The following GPD2 variants were observed in gnomAD, a reference collection of about 807,000 sequenced individuals.
The protein encoded by GPD2 is glycerol-3-phosphate dehydrogenase, mitochondrial.
Under a neutral mutation model 82.4 loss-of-function variants are expected in GPD2, and 54 were observed. That is an observed-to-expected ratio of 0.66 (90% CI 0.53 to 0.82). The LOEUF (loss-of-function observed/expected upper bound fraction) is 0.82. Among genes scored for constraint, GPD2 ranks in the 40% least tolerant of loss-of-function variants. The probability of loss-of-function intolerance (pLI) is 0.00; values close to 1 mark genes in which losing one functional copy is unlikely to be tolerated. For missense variants in GPD2, 748 were observed against 896.2 expected (o/e 0.83, Z 2.11); for synonymous variants, 288 against 306.1 (o/e 0.94, Z 0.62).
chr2:156,531,478 T>C (rs957539945), intron 6 of GPD2, among the ~76,000 whole-genome samples: 2 of 152,216 alleles, frequency 1.3e-5, no homozygotes, highest in African/African-American at 4.8e-5. Flanking sequence ...AGAGTTTCTT[T>C]TCATTTACTT....
chr2:156,461,257 C>T (rs1682978468), intron 1 of GPD2, among the ~76,000 whole-genome samples: 1 of 149,504 alleles, frequency 6.7e-6, no homozygotes, highest in Non-Finnish European at 1.5e-5. Context: ...TAGCCTTGAC[C>T]TTCCAGGCTC....
chr2:156,539,172 C>A (rs960098420), intron 6 of GPD2, among the ~76,000 whole-genome samples: 1 of 152,148 alleles, frequency 6.6e-6, no homozygotes, highest in African/African-American at 2.4e-5. Context: ...AATCTGTTAA[C>A]AATATTAGCT....
At chr2:156,562,408 A>C (rs1687208087) in intron 9 of GPD2, among the ~76,000 whole-genome samples, 1 of 152,128 alleles carries the variant, frequency 6.6e-6, no homozygotes, top group Non-Finnish European at 1.5e-5. Flanking sequence ...TTCTAGTTTC[A>C]TTAGTTTATA....
intron 6 of GPD2, among the ~76,000 whole-genome samples, chr2:156,518,396 G>A (rs1442320845): frequency 6.6e-6 from 1 of 152,178 alleles, no homozygotes; most frequent in African/African-American, 2.4e-5. Flanking sequence ...AGCTGGAGGT[G>A]CTTGACTAGG....
At chr2:156,469,568 C>A (rs979683284) in intron 1 of GPD2, among the ~76,000 whole-genome samples, 1 of 152,098 alleles carries the variant, frequency 6.6e-6, no homozygotes, top group African/African-American at 2.4e-5. Flanking sequence ...GATTGAAAAT[C>A]TTGGCTACTG....
At chr2:156,504,419 C>G (rs1684709923) in intron 3 of GPD2, among the ~76,000 whole-genome samples, 1 of 151,466 alleles carries the variant, frequency 6.6e-6, no homozygotes, top group Non-Finnish European at 1.5e-5. Flanking sequence ...ATTATTTTTC[C>G]TACATGCAGC....
intron 6 of GPD2, among the ~76,000 whole-genome samples, chr2:156,537,106 C>A (rs143278183): frequency 1.6e-3 from 246 of 152,296 alleles, no homozygotes; most frequent in African/African-American, 5.1e-3. Context: ...GTGGGAGAGA[C>A]TGCACACCTG....
chr2:156,404,251 G>A, the GPD2 span, among the ~76,000 whole-genome samples: 1 of 151,998 alleles, frequency 6.6e-6, no homozygotes, highest in African/African-American at 2.4e-5. Context: ...AGGTGTGGTG[G>A]TACACACCTG....
the GPD2 span, among the ~76,000 whole-genome samples, chr2:156,420,329 G>A: frequency 1.3e-5 from 2 of 151,968 alleles, no homozygotes; most frequent in Non-Finnish European, 2.9e-5. Flanking sequence ...GTGCCACCAG[G>A]CCTGGCTAAT....
intron 1 of GPD2, among the ~76,000 whole-genome samples, chr2:156,457,160 T>C (rs1368199069): frequency 4.6e-5 from 7 of 152,178 alleles, no homozygotes; most frequent in Admixed American, 4.6e-4. Context: ...GTCCAGAGTT[T>C]GTGACAGAGC....
chr2:156,536,102 C>G (rs1049530101), intron 6 of GPD2, among the ~76,000 whole-genome samples: 1 of 152,158 alleles, frequency 6.6e-6, no homozygotes, highest in African/African-American at 2.4e-5. Context: ...TGGCATTAGC[C>G]AACTCTAGAC....
the GPD2 span, among the ~76,000 whole-genome samples, chr2:156,424,312 G>A: frequency 6.6e-6 from 1 of 152,188 alleles, no homozygotes; most frequent in Non-Finnish European, 1.5e-5. Context: ...GAAGACAGAT[G>A]TTGCAATTTA....
chr2:156,559,529 AT>A (rs1235568049), intron 9 of GPD2, among the ~76,000 whole-genome samples: 3 of 151,608 alleles, frequency 2.0e-5, no homozygotes, highest in African/African-American at 7.3e-5. Context: ...TCCCCAAAGG[AT>A]TTTTTTTTGG....
intron 6 of GPD2, among the ~76,000 whole-genome samples, chr2:156,523,807 G>T (rs1281456297): frequency 6.6e-6 from 1 of 152,110 alleles, no homozygotes; most frequent in African/African-American, 2.4e-5. Context: ...GCCTCCCGAA[G>T]TGCTGGGATT....
intron 1 of GPD2, among the ~76,000 whole-genome samples, chr2:156,450,473 G>A (rs184598802): frequency 2.0e-5 from 3 of 152,080 alleles, no homozygotes; most frequent in East Asian, 1.9e-4. Context: ...GCAGAAGAGC[G>A]TGGTGTCTCT....
At chr2:156,417,849 C>T in the GPD2 span, among the ~76,000 whole-genome samples, 6 of 151,586 alleles carry the variant, frequency 4.0e-5, no homozygotes, top group Non-Finnish European at 8.8e-5. Flanking sequence ...TATCACTACT[C>T]TTCAGCCTGG....
intron 2 of GPD2, among the ~76,000 whole-genome samples, chr2:156,484,383 C>T (rs917849950): frequency 6.6e-6 from 1 of 152,066 alleles, no homozygotes; most frequent in African/African-American, 2.4e-5. Flanking sequence ...GTGATCCGCC[C>T]GCCTCGGCCT....
chr2:156,438,229 C>G (rs1331413116), intron 1 of GPD2, among the ~76,000 whole-genome samples: 1 of 152,186 alleles, frequency 6.6e-6, no homozygotes, highest in Non-Finnish European at 1.5e-5. Context: ...GAGCCAAAGA[C>G]TTTGGCCTTA....
intron 8 of GPD2, 66 bp downstream of exon 8, chr2:156,550,812 TTTC>T: frequency 7.6e-7 from 1 of 1,320,218 alleles, no homozygotes; most frequent in Non-Finnish European, 1.1e-6. Context: ...GTCTGGTTTA[TTTC>T]TTCTTCTAGC....
Sources: gnomAD v4.1 joint callset for allele counts (sites outside exome capture counted in the v4.1 genomes callset) on GRCh38, gnomAD v4.1.1 for gene constraint, MANE v1.5 for transcripts, NCBI Gene and HGNC (gene_info 2026-07-23, HGNC 2026-07-21) for gene names.